Variants in NDUFAF6 observed in about 807,000 individuals in gnomAD.
NDUFAF6 encodes NADH dehydrogenase (ubiquinone) complex I, assembly factor 6.
Under a neutral mutation model 40.8 loss-of-function variants are expected in NDUFAF6, and 45 were observed. The observed-to-expected ratio is 1.10, with a 90% CI of 0.87 to 1.42. NDUFAF6 has a LOEUF of 1.42. Ranked by LOEUF, NDUFAF6 falls within the 40% of genes most tolerant of loss-of-function variation. The pLI, the probability that NDUFAF6 is intolerant of heterozygous loss-of-function variation, is 0.00. For synonymous variants in NDUFAF6, 185 were observed against 155.9 expected (o/e 1.19, Z -1.39); for missense variants, 435 against 418.5 (o/e 1.04, Z -0.34).
chr8:95,062,736 C>T (rs1832602020), downstream of NDUFAF6, among the ~76,000 whole-genome samples: 1 of 152,212 alleles, frequency 6.6e-6, no homozygotes, highest in Non-Finnish European at 1.5e-5. Context: ...ACTAGTTAGA[C>T]ATTTCTCCCT....
upstream of NDUFAF6, among the ~76,000 whole-genome samples, chr8:94,954,477 T>C (rs1822904060): frequency 6.6e-6 from 1 of 152,084 alleles, no homozygotes; most frequent in Admixed American, 6.6e-5. Flanking sequence ...GGAGATACAA[T>C]AAACAAGTAA....
chr8:95,014,573 T>C (rs184964552), intron 2 of NDUFAF6, among the ~76,000 whole-genome samples: 1 of 152,238 alleles, frequency 6.6e-6, no homozygotes, highest in Admixed American at 6.5e-5. Flanking sequence ...ATTCAGTTTT[T>C]GGTTAAGCAG....
chr8:95,018,786 T>C (rs1827572887), intron 2 of NDUFAF6, among the ~76,000 whole-genome samples: 3 of 152,054 alleles, frequency 2.0e-5, no homozygotes, highest in African/African-American at 2.4e-5. Flanking sequence ...GAAGAAGAAA[T>C]GACATCATAA....
chr8:94,966,183 A>G (rs765612599), intron 1 of NDUFAF6, among the ~76,000 whole-genome samples: 1 of 152,172 alleles, frequency 6.6e-6, no homozygotes, highest in Non-Finnish European at 1.5e-5. Context: ...AAATTACAGA[A>G]GCAGATGAGA....
intron 2 of NDUFAF6, among the ~76,000 whole-genome samples, chr8:94,996,106 G>A (rs1240162711): frequency 6.6e-6 from 1 of 152,174 alleles, no homozygotes; most frequent in Non-Finnish European, 1.5e-5. Flanking sequence ...TTCCTAGATA[G>A]TCAAAATAGT....
chr8:95,092,152 T>C (rs922805858), intron 2 of NDUFAF6, among the ~76,000 whole-genome samples: 1 of 151,372 alleles, frequency 6.6e-6, no homozygotes, highest in African/African-American at 2.4e-5. Flanking sequence ...CTATCTACCA[T>C]GTGGTTAACT....
chr8:94,902,141 G>A (rs541313065), intron 1 of NDUFAF6, among the ~76,000 whole-genome samples: 253 of 152,132 alleles, frequency 1.7e-3, no homozygotes, highest in African/African-American at 5.7e-3. Context: ...GGTATAGCCC[G>A]GGCGTGGTGG....
intron 2 of NDUFAF6, among the ~76,000 whole-genome samples, chr8:95,007,664 T>TG (rs1395283734): frequency 6.8e-6 from 1 of 146,126 alleles, no homozygotes; most frequent in Non-Finnish European, 1.5e-5. Flanking sequence ...GCTCTGTTTT[T>TG]TTTTTTTTTT....
At chr8:95,041,731 A>G (rs1003234930) in intron 4 of NDUFAF6, 105 bp downstream of exon 4, 9 of 989,766 alleles carry the variant, frequency 9.1e-6, no homozygotes, top group Admixed American at 8.8e-5. Flanking sequence ...TTTTGGAGGA[A>G]GGAAACTTTT....
chr8:94,940,227 CGTA>C (rs1821392851), intron 1 of NDUFAF6: 1 of 1,598,688 alleles, frequency 6.3e-7, no homozygotes, highest in Admixed American at 1.7e-5. Flanking sequence ...GTATCTAGAT[CGTA>C]GTCCACATTG....
downstream of NDUFAF6, among the ~76,000 whole-genome samples, chr8:95,107,854 AT>A (rs1809886458): frequency 6.6e-6 from 1 of 152,180 alleles, no homozygotes; most frequent in Admixed American, 6.5e-5. Context: ...ACCTGGAGTC[AT>A]TTGGATTTGT....
At chr8:95,117,111 G>C (rs1051954709), downstream of NDUFAF6, among the ~76,000 whole-genome samples, 3 of 152,244 alleles carry the variant, frequency 2.0e-5, no homozygotes, top group Admixed American at 6.5e-5. Context: ...ATACCCTGCT[G>C]AGCATAGATC....
chr8:94,909,348 C>CAAAAAAAAAAAAAAAAA (rs556065794), intron 1 of NDUFAF6, among the ~76,000 whole-genome samples: 5 of 91,916 alleles, frequency 5.4e-5, no homozygotes, highest in African/African-American at 5.1e-5. Flanking sequence ...GACTCCGTCT[C>CAAAAAAAAAAAAAAAAA]AAAAAAAAAA....
chr8:95,056,655 C>G (rs945319711), intron 8 of NDUFAF6, among the ~76,000 whole-genome samples: 3 of 151,636 alleles, frequency 2.0e-5, no homozygotes, highest in Non-Finnish European at 4.4e-5. Flanking sequence ...GCCTGTAATC[C>G]CAGTACTTTG....
chr8:94,998,258 A>G (rs914008376), intron 2 of NDUFAF6, among the ~76,000 whole-genome samples: 2 of 152,174 alleles, frequency 1.3e-5, no homozygotes, highest in Admixed American at 6.5e-5. Context: ...CCCGTGCACA[A>G]AGCACAAAAA....
chr8:95,036,228 A>G (rs1829486718), intron 3 of NDUFAF6: 1 of 1,148,680 alleles, frequency 8.7e-7, no homozygotes, highest in Non-Finnish European at 1.1e-6. Context: ...TGGCTTAGAA[A>G]TATTCTAAAC....
intron 2 of NDUFAF6, among the ~76,000 whole-genome samples, chr8:94,995,112 T>A (rs914660084): frequency 9.2e-5 from 14 of 152,188 alleles, no homozygotes; most frequent in African/African-American, 3.4e-4. Context: ...AAACAAAATG[T>A]CTGTACATAC....
At chr8:95,066,899 G>A (rs28573244) in intron 9 of NDUFAF6, 10 of 152,124 alleles carry the variant, frequency 6.6e-5, no homozygotes, top group African/African-American at 1.9e-4. Flanking sequence ...CCAGTTTCCC[G>A]ATGGGTTACC....
At chr8:95,112,038 C>A (rs975490733) in intron 4 of NDUFAF6, among the ~76,000 whole-genome samples, 3 of 152,146 alleles carry the variant, frequency 2.0e-5, no homozygotes. Flanking sequence ...GAAACCCATG[C>A]TTCCAACTAT....
Sources: gnomAD v4.1 joint callset for allele counts (sites outside exome capture counted in the v4.1 genomes callset) on GRCh38, gnomAD v4.1.1 for gene constraint, MANE v1.5 for transcripts, NCBI Gene and HGNC (gene_info 2026-07-23, HGNC 2026-07-21) for gene names.